Variants in MYO3B observed in about 807,000 individuals in gnomAD.
The protein encoded by MYO3B is myosin-IIIb.
A neutral mutation model predicts 174.6 loss-of-function variants in MYO3B; 156 were observed. That is an observed-to-expected ratio of 0.89 (90% confidence interval 0.78 to 1.02). MYO3B has a LOEUF of 1.02. Among genes scored for constraint, MYO3B ranks in the 50% least tolerant of loss-of-function variants. The probability of loss-of-function intolerance (pLI) is 0.00; values close to 1 mark genes in which losing one functional copy is unlikely to be tolerated. For missense variants in MYO3B, 1,632 were observed against 1,639.4 expected, an observed-to-expected ratio of 1.00 and a Z score of 0.08; for synonymous variants, 563 against 569.1, an observed-to-expected ratio of 0.99 and a Z score of 0.15.
At position 170,285,091 on chromosome 2, in the gene MYO3B, T is replaced by C. The variant is rs891027078; in HGVS notation, c.749+48955T>C. 3.3e-5 allele frequency among the ~76,000 whole-genome samples: 5 copies of C among 152,238 alleles called. No individual in the cohort carries two copies. The South Asian group carries it at 1.0e-3, about 32-fold the overall frequency. On this transcript the variant is annotated intron_variant, in intron 7 of 34. Transcript: ENST00000408978. The stretch of plus-strand genomic sequence containing the variant: ...AGCATTCTGTTATTGGACTATATCA[T>C]ACTTTATCTATTAATAGCTATGTTC...
intron 32 of MYO3B, among the ~76,000 whole-genome samples, chr2:170,577,922 C>T (rs1049321425): frequency 1.3e-5 from 2 of 152,166 alleles, no homozygotes; most frequent in African/African-American, 4.8e-5. Flanking sequence ...AGATTTTGCT[C>T]AAACTGCAAA....
At position 170,563,846 on chromosome 2, in the gene MYO3B, T is replaced by C. The variant is rs182217880; in HGVS notation, c.3733+19858T>C. On this transcript the variant is annotated intron_variant, in intron 32 of 34. Transcript: ENST00000408978. Reference sequence around the variant, plus strand: ...AAAAAGGATTTTCCTAGAAGCTCTATGCAATGATCTATTTATATCTAATAG... The same window carrying C: ...AAAAAGGATTTTCCTAGAAGCTCTACGCAATGATCTATTTATATCTAATAG... Among the ~76,000 whole-genome samples, 33 of 152,350 alleles carry C rather than the reference T, an allele frequency of 2.2e-4. No individual in the cohort carries two copies. In the East Asian group the frequency reaches 6.0e-3, roughly 28 times the overall value.
chr2:170,519,192 C>G (rs1688504509), intron 29 of MYO3B, among the ~76,000 whole-genome samples: 1 of 152,060 alleles, frequency 6.6e-6, no homozygotes, highest in South Asian at 2.1e-4. Context: ...TATCTATTGC[C>G]AGAGAGAGGT....
chr2:170,547,439 G>C (rs1690592016), intron 32 of MYO3B, among the ~76,000 whole-genome samples: 1 of 152,182 alleles, frequency 6.6e-6, no homozygotes, highest in African/African-American at 2.4e-5. Context: ...CTAGTCACTT[G>C]GTCACTAATC....
In MYO3B at chr2:170,555,726, G is replaced by T. The variant is rs184140922; in HGVS notation, c.3733+11738G>T. ...GTCTCTACAAAAAATTTAAATATTA[G>T]CCAAGTGTTTTGGTGCATGTCTATA... On this transcript the variant is annotated intron_variant, in intron 32 of 34. Transcript: ENST00000408978. 2.0e-3 allele frequency among the ~76,000 whole-genome samples: 311 copies of T among 152,026 alleles called. 1 individual carries two copies. The highest frequency in any genetic ancestry group is 7.3e-3 in the African/African-American group (303 of 41,464).
intron 7 of MYO3B, among the ~76,000 whole-genome samples, chr2:170,290,394 T>G (rs2093587986): frequency 6.6e-6 from 1 of 152,194 alleles, no homozygotes; most frequent in African/African-American, 2.4e-5. Context: ...AATTGTTATA[T>G]TCTCTTGCTG....
intron 30 of MYO3B, among the ~76,000 whole-genome samples, chr2:170,520,544 A>G (rs1688617804): frequency 6.6e-6 from 1 of 152,018 alleles, no homozygotes; most frequent in Admixed American, 6.6e-5. Flanking sequence ...GGGGAGATAT[A>G]TATATTATCT....
chr2:170,302,759 A>G (rs2093674126), intron 7 of MYO3B, among the ~76,000 whole-genome samples: 1 of 152,200 alleles, frequency 6.6e-6, no homozygotes, highest in African/African-American at 2.4e-5. Flanking sequence ...GCAAAAAACA[A>G]TTTTATATGT....
chr2:170,599,022 T>G (rs188815309), intron 32 of MYO3B, among the ~76,000 whole-genome samples: 20 of 152,326 alleles, frequency 1.3e-4, no homozygotes, highest in Non-Finnish European at 2.4e-4. Flanking sequence ...CTACTGCAGG[T>G]CAGGCCCAGT....
chr2:170,431,928 T>A lies in MYO3B; in HGVS notation c.2651-12039T>A, dbSNP rs189830859. 8.9e-4 allele frequency among the ~76,000 whole-genome samples: 135 copies of A among 152,322 alleles called. 1 individual carries two copies. The East Asian group carries it at 0.018, about 20-fold the overall frequency. On this transcript the variant is annotated intron_variant, in intron 22 of 34. Coordinates refer to ENST00000408978, the MANE Select transcript of MYO3B (RefSeq NM_138995.5). ...TAAGATTACAATGCAGCTGAAAAAT[T>A]CCTATTGCCTAGTGATGTCCTAGCC... is the stretch of plus-strand genomic sequence containing the variant.
intron 14 of MYO3B, among the ~76,000 whole-genome samples, chr2:170,389,135 T>G (rs2094395705): frequency 6.6e-6 from 1 of 152,240 alleles, no homozygotes; most frequent in South Asian, 2.1e-4. Context: ...CTTACTTTCC[T>G]CATATGCAAC....
At chr2:170,313,528 T>G (rs75187318) in intron 7 of MYO3B, among the ~76,000 whole-genome samples, 2,987 of 152,294 alleles carry the variant, frequency 0.02, 33 homozygotes, top group Non-Finnish European at 0.018. Flanking sequence ...AGTGATAGCA[T>G]CTCTGCACTT....
chr2:170,309,986 G>A (rs2093726615), intron 7 of MYO3B, among the ~76,000 whole-genome samples: 1 of 152,040 alleles, frequency 6.6e-6, no homozygotes, highest in African/African-American at 2.4e-5. Context: ...TACCTATTCT[G>A]GATATCTTAT....
At chr2:170,603,713 G>A (rs1694651084) in intron 32 of MYO3B, among the ~76,000 whole-genome samples, 1 of 152,088 alleles carries the variant, frequency 6.6e-6, no homozygotes, top group African/African-American at 2.4e-5. Flanking sequence ...AAAATTTTTG[G>A]TTTGGTTTTA....
At chr2:170,193,931 T>A (rs2092570125) in intron 1 of MYO3B, among the ~76,000 whole-genome samples, 1 of 152,198 alleles carries the variant, frequency 6.6e-6, no homozygotes, top group Non-Finnish European at 1.5e-5. Context: ...AATTTGATTA[T>A]TTACTTTTAT....
intron 32 of MYO3B, among the ~76,000 whole-genome samples, chr2:170,581,403 T>C (rs920134593): frequency 2.6e-5 from 4 of 152,188 alleles, no homozygotes; most frequent in Admixed American, 6.5e-5. Context: ...ATTGCAAATA[T>C]ATTCTCCTAG....
At chr2:170,475,079 G>C (rs75099989) in intron 25 of MYO3B, among the ~76,000 whole-genome samples, 1 of 152,126 alleles carries the variant, frequency 6.6e-6, no homozygotes, top group Non-Finnish European at 1.5e-5. Flanking sequence ...TTCACTAAGG[G>C]ATTAGAGAAA....
intron 30 of MYO3B, 148 bp from the exon 31 acceptor site, chr2:170,542,758 A>G (rs567884953): frequency 2.7e-5 from 16 of 594,020 alleles, no homozygotes; most frequent in African/African-American, 7.5e-5. Flanking sequence ...TAAGGTGACC[A>G]TGTCCTTTTA....
intron 23 of MYO3B, among the ~76,000 whole-genome samples, chr2:170,462,505 G>A (rs1165781145): frequency 1.3e-5 from 2 of 152,168 alleles, no homozygotes; most frequent in African/African-American, 2.4e-5. Flanking sequence ...ATTGAACAAG[G>A]CTGCAGACAT....
Sources: gnomAD v4.1 joint callset for allele counts (sites outside exome capture counted in the v4.1 genomes callset) on GRCh38, gnomAD v4.1.1 for gene constraint, MANE v1.5 for transcripts, NCBI Gene and HGNC (gene_info 2026-07-23, HGNC 2026-07-21) for gene names.